Variants in SASH1 observed in about 807,000 individuals in gnomAD.
The protein encoded by SASH1 is SAM and SH3 domain containing 1.
A neutral mutation model predicts 125.2 loss-of-function variants in SASH1; 44 were observed. That is an observed-to-expected ratio of 0.35 (90% CI 0.28 to 0.45). The LOEUF (loss-of-function observed/expected upper bound fraction) is 0.45, where lower values mean the gene tolerates loss of function less well. Among genes scored for constraint, SASH1 ranks in the 20% least tolerant of loss-of-function variants. The pLI is 1.00. For synonymous variants in SASH1, 639 were observed against 649.1 expected, an observed-to-expected ratio of 0.98 and a Z score of 0.24; for missense variants, 1,426 against 1,614.5, an observed-to-expected ratio of 0.88 and a Z score of 2.00.
intron 1 of SASH1, among the ~76,000 whole-genome samples, chr6:148,347,025 C>T (rs72563856): frequency 0.081 from 12,335 of 152,192 alleles, 774 homozygotes; most frequent in East Asian, 0.32. Flanking sequence ...TTGGCAGACA[C>T]GGCATTCCTT....
intron 2 of SASH1, among the ~76,000 whole-genome samples, chr6:148,410,808 T>C (rs564261221): frequency 6.6e-6 from 1 of 152,306 alleles, no homozygotes; most frequent in South Asian, 2.1e-4. Context: ...TAACACGCTG[T>C]AGTGCCACAG....
chr6:148,216,787 A>G, the SASH1 span, among the ~76,000 whole-genome samples: 1 of 151,672 alleles, frequency 6.6e-6, no homozygotes, highest in Non-Finnish European at 1.5e-5. Flanking sequence ...CTGGAGTGCA[A>G]TGGTGCAATC....
At chr6:148,289,807 T>G (rs1779577911) in intron 1 of SASH1, among the ~76,000 whole-genome samples, 1 of 151,950 alleles carries the variant, frequency 6.6e-6, no homozygotes, top group African/African-American at 2.4e-5. Context: ...ATAGCCATTG[T>G]GAACACAAAT....
At chr6:148,363,256 C>T (rs367552900) in intron 1 of SASH1, among the ~76,000 whole-genome samples, 47 of 152,264 alleles carry the variant, frequency 3.1e-4, no homozygotes, top group Admixed American at 7.2e-4. Context: ...GAGGACGTGG[C>T]GGTGGATAGT....
intron 16 of SASH1, 119 bp from the exon 17 acceptor site, chr6:148,540,324 T>C (rs891372983): frequency 5.7e-6 from 4 of 702,664 alleles, no homozygotes; most frequent in East Asian, 2.8e-5. Flanking sequence ...TATTTTAAGA[T>C]AAATTGTTCT....
Position 148,449,078 on chromosome 6 carries a change from C to CTTTTTTTTTTTTTTTTTTTT in SASH1, c.386+8686_386+8687insTTTTTTTTTTTTTTTTTTTT. Among the ~76,000 whole-genome samples, 96 of 88,674 alleles carry CTTTTTTTTTTTTTTTTTTTT rather than the reference C, an allele frequency of 1.1e-3. 5 individuals are homozygous for CTTTTTTTTTTTTTTTTTTTT. Among genetic ancestry groups the CTTTTTTTTTTTTTTTTTTTT allele is most frequent in the Non-Finnish European group, 1.6e-3 (70 of 43,414 alleles). 58.2% of individuals were successfully genotyped at this position (88,674 alleles called of 152,430 possible). A position where few individuals can be genotyped will look rare whatever the true frequency, so the allele number is the denominator to read the frequency against. ...GAGACTGGCTAATTTCATTTCATTT[C>CTTTTTTTTTTTTTTTTTTTT]TTTTTTTTTTTTTTTGGAGACAGAG... On this transcript the variant is annotated intron_variant, in intron 4 of 19. Coordinates refer to ENST00000367467, the MANE Select transcript of SASH1 (RefSeq NM_015278.5).
Position 148,465,548 on chromosome 6 carries a change from GAA to G in SASH1, c.387-2980_387-2979del, listed in dbSNP as rs564107121. ...GCAGAGTGAGACTCTGTCTCCAGGA[GAA>G]AAAAAAAAAAAAAAAAGACATCCCT... On this transcript the variant is annotated intron_variant, in intron 4 of 19. Coordinates refer to ENST00000367467, the MANE Select transcript of SASH1 (RefSeq NM_015278.5). Among the ~76,000 whole-genome samples the G allele has an allele frequency of 2.8e-4, 28 of 100,826 alleles. 1 individual carries two copies. The South Asian group carries it at 4.4e-3, about 16-fold the overall frequency. 66.1% of individuals were successfully genotyped at this position (100,826 alleles called of 152,430 possible).
At chr6:148,433,089 TA>T (rs1458950700) in intron 2 of SASH1, among the ~76,000 whole-genome samples, 27 of 152,242 alleles carry the variant, frequency 1.8e-4, no homozygotes, top group African/African-American at 6.0e-4. Context: ...TGGATTTATT[TA>T]TTTTTTTAGC....
At chr6:148,534,577 ACTAAG>A (rs1781726977) in intron 15 of SASH1, among the ~76,000 whole-genome samples, 169 bp from the exon 16 acceptor site, 1 of 152,182 alleles carries the variant, frequency 6.6e-6, no homozygotes, top group Admixed American at 6.5e-5. Flanking sequence ...CTGCTTGCCT[ACTAAG>A]CCAGAGGGCT....
intron 1 of SASH1, among the ~76,000 whole-genome samples, chr6:148,335,464 C>CAAAAAAAAAAA (rs534202487): frequency 1.3e-5 from 1 of 79,910 alleles, no homozygotes. Context: ...GACTCTGTCT[C>CAAAAAAAAAAA]AAAAAAAAAA....
Position 148,525,540 on chromosome 6 carries a change from G to A in SASH1, c.1284+175G>A, listed in dbSNP as rs949950483. Among the ~76,000 whole-genome samples, 14 of 152,274 alleles carry A rather than the reference G, an allele frequency of 9.2e-5. No individual in the cohort carries two copies. The South Asian group carries it at 2.9e-3, about 32-fold the overall frequency. ...CCTTACAGACTCCACTGTTCCACGT[G>A]GAATGAATGATGACCACTCTCACTG... On this transcript the variant is annotated intron_variant, in intron 11 of 19. Coordinates refer to ENST00000367467, the MANE Select transcript of SASH1 (RefSeq NM_015278.5).
intron 1 of SASH1, among the ~76,000 whole-genome samples, chr6:148,286,138 A>G (rs1248565863): frequency 1.3e-5 from 2 of 152,132 alleles, no homozygotes; most frequent in Non-Finnish European, 2.9e-5. Context: ...AAGCTGATTC[A>G]TGGACCCTCC....
intron 7 of SASH1, among the ~76,000 whole-genome samples, chr6:148,485,579 C>T (rs928895719): frequency 6.6e-6 from 1 of 152,156 alleles, no homozygotes; most frequent in South Asian, 2.1e-4. Flanking sequence ...TGCCTGTTTT[C>T]CAGGTGGAGG....
At chr6:148,319,022 CTTTTTTTTTTT>C (rs10695657) in intron 1 of SASH1, among the ~76,000 whole-genome samples, 3 of 66,648 alleles carry the variant, frequency 4.5e-5, no homozygotes, top group East Asian at 1.1e-3. Flanking sequence ...CATTTATCTT[CTTTTTTTTTTT>C]TTTTTTTTTT....
chr6:148,409,141 G>A (rs13204061), intron 2 of SASH1, among the ~76,000 whole-genome samples: 18,291 of 152,110 alleles, frequency 0.12, 1,277 homozygotes, highest in Admixed American at 0.22. Flanking sequence ...TTCCTACCAT[G>A]CATTATTATT....
intron 4 of SASH1, among the ~76,000 whole-genome samples, chr6:148,462,714 A>G (rs1388001473): frequency 6.6e-6 from 1 of 152,194 alleles, no homozygotes; most frequent in East Asian, 1.9e-4. Context: ...CTGGGCCAGT[A>G]TGTAATGGTA....
chr6:148,278,483 G>A (rs1779250565), intron 1 of SASH1, among the ~76,000 whole-genome samples: 1 of 151,700 alleles, frequency 6.6e-6, no homozygotes, highest in Non-Finnish European at 1.5e-5. Flanking sequence ...CACATGTCCT[G>A]GAAAGAAATA....
At chr6:148,275,177 A>C (rs1020559238) in intron 1 of SASH1, among the ~76,000 whole-genome samples, 1 of 152,236 alleles carries the variant, frequency 6.6e-6, no homozygotes, top group Non-Finnish European at 1.5e-5. Context: ...GGGAAGAAAG[A>C]ACTTGCGTCA....
chr6:148,405,702 C>A (rs773249674), intron 2 of SASH1, among the ~76,000 whole-genome samples: 12 of 151,998 alleles, frequency 7.9e-5, no homozygotes, highest in Non-Finnish European at 1.6e-4. Flanking sequence ...TGACTCTAGG[C>A]TGAGGCCGTA....
Sources: allele counts gnomAD v4.1 joint callset (sites outside exome capture counted in the v4.1 genomes callset), GRCh38; gene constraint gnomAD v4.1.1; transcripts MANE v1.5; gene names NCBI Gene and HGNC (gene_info 2026-07-23, HGNC 2026-07-21).